Variants in XCL1 observed in about 807,000 individuals in gnomAD.
The protein encoded by XCL1 is lymphotactin.
XCL1 carries 6 observed loss-of-function variants against 7.4 expected under a neutral mutation model. The ratio of observed to expected loss-of-function variants is 0.82; its 90% CI spans 0.45 to 1.61. XCL1 has a LOEUF of 1.61. XCL1 is among the 40% of genes most tolerant of loss of function. The probability of loss-of-function intolerance (pLI) is 0.01; values close to 1 mark genes in which losing one functional copy is unlikely to be tolerated. For synonymous variants in XCL1, 48 were observed against 52.4 expected (o/e 0.92, Z 0.36); for missense variants, 122 against 138.2 (o/e 0.88, Z 0.59).
At chr1:168,577,790 G>C (rs777920754) in intron 1 of XCL1, among the ~76,000 whole-genome samples, 1 of 152,188 alleles carries the variant, frequency 6.6e-6, no homozygotes, top group Non-Finnish European at 1.5e-5. Flanking sequence ...ATCTGAGTAG[G>C]GGAAAGGAGC....
At chr1:168,578,605 G>T in intron 1 of XCL1, 1 of 192,502 alleles carries the variant, frequency 5.2e-6, no homozygotes, top group South Asian at 1.0e-4. Context: ...TAATTTTTTG[G>T]AGAGTTTTTA....
At chr1:168,577,843 T>A (rs1655061523) in intron 1 of XCL1, among the ~76,000 whole-genome samples, 1 of 152,122 alleles carries the variant, frequency 6.6e-6, no homozygotes, top group South Asian at 2.1e-4. Flanking sequence ...GGTCTCAAAT[T>A]CCCAAGTTTT....
Position 168,581,792 on chromosome 1 carries a change from TA to T in XCL1, c.*576del, listed in dbSNP as rs1312944507. On this transcript the variant is annotated 3_prime_UTR_variant, in exon 3 of 3. Transcript: ENST00000367818. ...TTATTTTGGTGTCCTATTAAAGGAA[TA>T]AAATGACACAACTTGTCCCTTTTTT... is the stretch of plus-strand genomic sequence containing the variant. 1.3e-5 allele frequency: 2 copies of T among 152,210 alleles called. No individual in the cohort carries two copies. Among genetic ancestry groups the T allele is most frequent in the African/African-American group, 2.4e-5 (1 of 41,464 alleles). 9.4% of individuals were successfully genotyped at this position (152,210 alleles called of 1,614,324 possible). A position where few individuals can be genotyped will look rare whatever the true frequency, so the allele number is the denominator to read the frequency against.
intron 1 of XCL1, among the ~76,000 whole-genome samples, 187 bp downstream of exon 1, chr1:168,576,885 G>GAATTTGATT (rs1655036488): frequency 6.6e-6 from 1 of 152,146 alleles, no homozygotes; most frequent in African/African-American, 2.4e-5. Context: ...AAAACAGGGA[G>GAATTTGATT]AATTTGATTA....
At chr1:168,580,677 A>G (rs946088788) in intron 2 of XCL1, among the ~76,000 whole-genome samples, 5 of 152,252 alleles carry the variant, frequency 3.3e-5, no homozygotes, top group Admixed American at 1.3e-4. Context: ...TTACTCTAAA[A>G]AATGAAAATG....
At chr1:168,580,267 T>G in intron 2 of XCL1, 90 bp downstream of exon 2, 2 of 1,418,738 alleles carry the variant, frequency 1.4e-6, no homozygotes, top group Non-Finnish European at 1.9e-6. Flanking sequence ...TCAGGAAAAG[T>G]AGGTCAGCAT....
rs144499937 is a variant in XCL1, at chr1:168,579,711, C to G, written c.62-352C>G. 6.6e-5 allele frequency among the ~76,000 whole-genome samples: 10 copies of G among 152,206 alleles called. No individual in the cohort carries two copies. In the East Asian group the frequency reaches 1.9e-3, roughly 29 times the overall value. On this transcript the variant is annotated intron_variant, in intron 1 of 2. Coordinates refer to ENST00000367818, the MANE Select transcript of XCL1 (RefSeq NM_002995.3). Reference sequence around the variant, plus strand: ...TGTCTGCTTAGTAAAACATGTGGGACACAACAGGCACCATTGTATAAATGA... The same window carrying G: ...TGTCTGCTTAGTAAAACATGTGGGAGACAACAGGCACCATTGTATAAATGA...
rs1188190196 is a variant in XCL1, at chr1:168,581,108, G to A, written c.233G>A (p.Arg78Lys). 2 of 1,613,730 alleles carry A rather than the reference G, an allele frequency of 1.2e-6. No homozygotes were observed. The highest frequency in any genetic ancestry group is 1.7e-6 in the Non-Finnish European group (2 of 1,179,802). ...GCTGATCCACAAGCCACATGGGTGA[G>A]AGACGTGGTCAGGAGCATGGACAGG... is the stretch of plus-strand genomic sequence containing the variant. ...VCADPQATWV[R>K]DVVRSMDRKS... The change falls in exon 3 of 3, where the codon AGA becomes AAA. Residue 78 changes from arginine (R) to lysine (K), a missense_variant. Coordinates refer to ENST00000367818, the MANE Select transcript of XCL1 (RefSeq NM_002995.3).
intron 1 of XCL1, chr1:168,578,704 T>C (rs1655084031): frequency 6.0e-6 from 2 of 330,798 alleles, no homozygotes; most frequent in Non-Finnish European, 1.1e-5. Flanking sequence ...AGCTTGGCAT[T>C]GTGAGCCACA....
intron 1 of XCL1, 56 bp downstream of exon 1, chr1:168,576,754 CA>C (rs1296885188): frequency 9.9e-6 from 16 of 1,612,422 alleles, no homozygotes; most frequent in African/African-American, 1.3e-5. Flanking sequence ...CAGGTGGGCA[CA>C]CATTTTGGGT....
In XCL1 at chr1:168,581,264, C is replaced by T. The variant is rs745861211; in HGVS notation, c.*44C>T. On this transcript the variant is annotated 3_prime_UTR_variant, in exon 3 of 3. Coordinates refer to ENST00000367818, the MANE Select transcript of XCL1 (RefSeq NM_002995.3). ...CCGTCTCCAGCCAGCCAGCTCATTT[C>T]ACTTTACACGCTCATGGACTGAGTT... 2 of 1,606,360 alleles carry T rather than the reference C, an allele frequency of 1.2e-6. No homozygotes were observed. The highest frequency in any genetic ancestry group is 1.7e-6 in the Non-Finnish European group (2 of 1,174,940).
intron 1 of XCL1, 96 bp from the exon 2 acceptor site, chr1:168,579,967 T>A: frequency 7.7e-7 from 1 of 1,290,664 alleles, no homozygotes; most frequent in Non-Finnish European, 1.0e-6. Flanking sequence ...CCTTAAATTC[T>A]CACAACATTC....
At chr1:168,577,871 A>G (rs911125663) in intron 1 of XCL1, among the ~76,000 whole-genome samples, 2 of 152,184 alleles carry the variant, frequency 1.3e-5, no homozygotes, top group Non-Finnish European at 1.5e-5. Context: ...AAGGAGCTCT[A>G]TAAGTCCCAC....
At position 168,581,399 on chromosome 1, in the gene XCL1, T is replaced by TA; in HGVS notation, c.*180dup. 4.3e-6 allele frequency: 3 copies of TA among 694,858 alleles called. No individual in the cohort carries two copies. Among genetic ancestry groups the TA allele is most frequent in the Non-Finnish European group, 6.4e-6 (3 of 467,754 alleles). The allele number at this position is 694,858 out of a possible 1,614,324, so 43.0% of individuals were successfully genotyped here. On this transcript the variant is annotated 3_prime_UTR_variant, in exon 3 of 3. Transcript: ENST00000367818. ...ATGTTCTAATTAATAAATTATTTAT[T>TA]ATTAAGAATAGTTCCCTAGTCTATT...
intron 1 of XCL1, chr1:168,578,933 G>C: frequency 2.7e-6 from 1 of 369,144 alleles, no homozygotes; most frequent in Non-Finnish European, 5.2e-6. Context: ...CAGACAGAAA[G>C]TTAACCAGCT....
At chr1:168,580,603 C>T (rs1260258766) in intron 2 of XCL1, among the ~76,000 whole-genome samples, 2 of 152,130 alleles carry the variant, frequency 1.3e-5, no homozygotes, top group Admixed American at 1.3e-4. Flanking sequence ...CTACATGGTC[C>T]CTTTCTTCTA....
intron 2 of XCL1, 56 bp downstream of exon 2, chr1:168,580,233 C>T: frequency 1.3e-6 from 2 of 1,578,904 alleles, no homozygotes; most frequent in Non-Finnish European, 1.7e-6. Context: ...TATAGAAATA[C>T]ACTCTGTAGA....
In XCL1 at chr1:168,580,059, C is replaced by T. The variant is rs150625986; in HGVS notation, c.62-4C>T. 11,800 of 1,579,418 alleles carry T rather than the reference C, an allele frequency of 7.5e-3. 54 individuals carry two copies. The highest frequency in any genetic ancestry group is 0.022 in the African/African-American group (1,641 of 73,906). On this transcript the variant is annotated splice_polypyrimidine_tract_variant and splice_region_variant and intron_variant, in intron 1 of 2. Transcript: ENST00000367818. ...ATTGTCTGTTGTTTTTTTTTCCTCA[C>T]CAGGTGTAGGGAGTGAAGTCTCAGA...
rs376671108 is a variant in XCL1 at position 168,576,679 on chromosome 1, C to T, written c.42C>T (p.Leu14=). The change falls in exon 1 of 3, where the codon CTC becomes CTT. Residue 14 remains leucine, a synonymous_variant. Transcript: ENST00000367818. ...LILALLGICS[L]TAYIVEGVGS... is the part of the protein sequence containing the mutation. ...TGGCCCTCCTTGGCATCTGCTCTCTCACTGCATACATTGTGGAAGGTAAGT... is the reference window on the plus strand; with the variant it reads ...TGGCCCTCCTTGGCATCTGCTCTCTTACTGCATACATTGTGGAAGGTAAGT... The T allele has an allele frequency of 4.3e-6, 7 of 1,613,750 alleles. No homozygotes were observed. The highest frequency in any genetic ancestry group is 5.9e-6 in the Non-Finnish European group (7 of 1,179,814).
Sources: gnomAD v4.1 joint callset for allele counts (sites outside exome capture counted in the v4.1 genomes callset) on GRCh38, gnomAD v4.1.1 for gene constraint, MANE v1.5 for transcripts, NCBI Gene and HGNC (gene_info 2026-07-23, HGNC 2026-07-21) for gene names.